SHROOM3: variants seen among roughly 807,000 people sequenced by gnomAD.
SHROOM3 encodes the protein shroom family member 3.
Under a neutral mutation model 138.6 loss-of-function variants are expected in SHROOM3, and 47 were observed. The ratio of observed to expected loss-of-function variants is 0.34; its 90% confidence interval spans 0.27 to 0.43. The LOEUF (loss-of-function observed/expected upper bound fraction) is 0.43. Among genes scored for constraint, SHROOM3 ranks in the 20% least tolerant of loss-of-function variants. SHROOM3 has a pLI of 1.00. For missense variants in SHROOM3, 2,491 were observed against 2,596.5 expected (o/e 0.96, Z 0.88); for synonymous variants, 1,062 against 1,063.3 (o/e 1.00, Z 0.02).
chr4:76,718,988 C>G (rs748441182), intron 3 of SHROOM3, among the ~76,000 whole-genome samples: 1 of 152,150 alleles, frequency 6.6e-6, no homozygotes, highest in African/African-American at 2.4e-5. Flanking sequence ...TAGCCTTCTC[C>G]GGGCACTCAG....
intron 3 of SHROOM3, among the ~76,000 whole-genome samples, chr4:76,728,281 G>A (rs187679451): frequency 1.7e-4 from 26 of 152,350 alleles, no homozygotes; most frequent in African/African-American, 6.3e-4. Context: ...TGTTGTGGGA[G>A]GGACCCGGTG....
At chr4:76,759,095 A>G (rs1721908723) in intron 8 of SHROOM3, among the ~76,000 whole-genome samples, 1 of 152,240 alleles carries the variant, frequency 6.6e-6, no homozygotes, top group Non-Finnish European at 1.5e-5. Flanking sequence ...CATAGTAGGC[A>G]CTAGAAAGAT....
intron 2 of SHROOM3, among the ~76,000 whole-genome samples, chr4:76,666,204 C>T (rs1168297906): frequency 6.6e-6 from 1 of 152,160 alleles, no homozygotes; most frequent in Non-Finnish European, 1.5e-5. Flanking sequence ...CAGTGATACC[C>T]CAGTGTCAAA....
intron 2 of SHROOM3, among the ~76,000 whole-genome samples, chr4:76,570,413 C>G (rs1179164081): frequency 6.6e-6 from 1 of 152,142 alleles, no homozygotes; most frequent in East Asian, 1.9e-4. Flanking sequence ...GGGGCTGTGG[C>G]TGGTGTGCAA....
chr4:76,639,699 T>C, intron 2 of SHROOM3: 2 of 398,052 alleles, frequency 5.0e-6, no homozygotes. Context: ...CTGGGTAAAG[T>C]TTTCTGGGGA....
At chr4:76,464,346 C>T (rs1731205891) in intron 1 of SHROOM3, among the ~76,000 whole-genome samples, 1 of 152,146 alleles carries the variant, frequency 6.6e-6, no homozygotes, top group Non-Finnish European at 1.5e-5. Context: ...CCAATTTCTC[C>T]AATTTGGAAA....
intron 2 of SHROOM3, among the ~76,000 whole-genome samples, chr4:76,665,455 C>G (rs1292283414): frequency 6.6e-6 from 1 of 152,190 alleles, no homozygotes; most frequent in Non-Finnish European, 1.5e-5. Flanking sequence ...TCAGAAGAAC[C>G]AGTCATCTGG....
At chr4:76,560,770 G>A (rs1490507034) in intron 2 of SHROOM3, among the ~76,000 whole-genome samples, 1 of 152,124 alleles carries the variant, frequency 6.6e-6, no homozygotes, top group Admixed American at 6.5e-5. Flanking sequence ...AAGTCAGAGA[G>A]GATACCTGAG....
chr4:76,754,898 C>A lies in SHROOM3; in HGVS notation c.4415C>A (p.Pro1472Gln). ...SLPSLCSTSD[P>Q]DTPLGAPSTP... ...CCAAGTTTATGCAGCACTTCTGACC[C>A]AGACACACCTCTTGGGGCCCCGAGC... The change falls in exon 7 of 11, where the codon CCA becomes CAA. Residue 1472 changes from proline (P) to glutamine (Q), a missense_variant. Physicochemically the swap from Pro to Gln is moderately conservative, Grantham distance 76. Around this residue, in one of 4 missense-constraint regions of SHROOM3, gnomAD observed 1,733 missense variants for 1,661.6 expected, o/e 1.04. Transcript: ENST00000296043. The A allele has an allele frequency of 6.2e-7, 1 of 1,614,198 alleles. No homozygotes were observed. The highest frequency in any genetic ancestry group is 1.3e-5 in the African/African-American group (1 of 75,044).
At chr4:76,540,090 C>T (rs987577641) in intron 1 of SHROOM3, among the ~76,000 whole-genome samples, 1 of 152,208 alleles carries the variant, frequency 6.6e-6, no homozygotes, top group South Asian at 2.1e-4. Flanking sequence ...TGAGGTGATC[C>T]ACCCACTTCA....
chr4:76,739,201 G>A lies in SHROOM3; in HGVS notation c.1028G>A (p.Gly343Asp), dbSNP rs1364492320. 2 of 1,614,050 alleles carry A rather than the reference G, an allele frequency of 1.2e-6. No homozygotes were observed. The highest frequency in any genetic ancestry group is 2.2e-5 in the East Asian group (1 of 44,892). Reference protein sequence around the residue: ...REARASANGQGYDKWSNIPRG... With the variant: ...REARASANGQDYDKWSNIPRG... ...GCCCGAGCCTCAGCAAATGGTCAGGGCTATGATAAATGGTCTAATATTCCT... is the reference window on the plus strand; with the variant it reads ...GCCCGAGCCTCAGCAAATGGTCAGGACTATGATAAATGGTCTAATATTCCT... The change falls in exon 5 of 11, where the codon GGC becomes GAC. Residue 343 changes from glycine (G) to aspartate (D), a missense_variant. Coordinates refer to ENST00000296043, the MANE Select transcript of SHROOM3 (RefSeq NM_020859.4).
At chr4:76,439,616 A>G (rs1241462789) in intron 1 of SHROOM3, among the ~76,000 whole-genome samples, 2 of 152,166 alleles carry the variant, frequency 1.3e-5, no homozygotes, top group Non-Finnish European at 2.9e-5. Flanking sequence ...TACACTGCTA[A>G]CCAGATGTCT....
At chr4:76,672,375 A>T (rs1165183607) in intron 2 of SHROOM3, among the ~76,000 whole-genome samples, 1 of 151,452 alleles carries the variant, frequency 6.6e-6, no homozygotes, top group Admixed American at 6.6e-5. Flanking sequence ...GTTTTAATTA[A>T]ATTCTTTTTA....
intron 2 of SHROOM3, chr4:76,688,802 C>A: frequency 1.0e-6 from 1 of 985,376 alleles, no homozygotes; most frequent in Non-Finnish European, 1.2e-6. Flanking sequence ...CCGAAAGAAT[C>A]ACGTCTCTTG....
At position 76,648,186 on chromosome 4, in the gene SHROOM3, G is replaced by A. The variant is rs921446148; in HGVS notation, c.324-61970G>A. Among the ~76,000 whole-genome samples, 239 of 151,914 alleles carry A rather than the reference G, an allele frequency of 1.6e-3. 1 individual carries two copies. Among genetic ancestry groups the A allele is most frequent in the Non-Finnish European group, 4.9e-4 (33 of 67,960 alleles). ...CTGCAAAAAATTAAAAAATTACCCA[G>A]GCATGGTGGTGCGTACCTGTGGTCC... On this transcript the variant is annotated intron_variant, in intron 2 of 10. Coordinates refer to ENST00000296043, the MANE Select transcript of SHROOM3 (RefSeq NM_020859.4).
rs187743947 is a variant in SHROOM3, at chr4:76,608,840, T to G, written c.323+53077T>G. The stretch of plus-strand genomic sequence containing the variant: ...TTACTTCATCTCTTTGAGAATCCAT[T>G]TCTCCCTCAGTAAAACAAGAATGAT... On this transcript the variant is annotated intron_variant, in intron 2 of 10. Coordinates refer to ENST00000296043, the MANE Select transcript of SHROOM3 (RefSeq NM_020859.4). 5.3e-5 allele frequency among the ~76,000 whole-genome samples: 8 copies of G among 152,298 alleles called. No individual in the cohort carries two copies. In the East Asian group the frequency reaches 1.3e-3, roughly 26 times the overall value.
At position 76,778,961 on chromosome 4, in the gene SHROOM3, G is replaced by A. The variant is rs187465619; in HGVS notation, c.5775G>A (p.Val1925=). ...AGCTCCAGGACTACCAGCACTTCGTGAAAATGAAGTCCACGCTCCTCATTG... is the reference window on the plus strand; with the variant it reads ...AGCTCCAGGACTACCAGCACTTCGTAAAAATGAAGTCCACGCTCCTCATTG... ...EEQLQDYQHF[V]KMKSTLLIEQ... Residue 1925 remains valine (V), a synonymous_variant, in exon 11 of 11, where the codon GTG becomes GTA. Coordinates refer to ENST00000296043, the MANE Select transcript of SHROOM3 (RefSeq NM_020859.4). The A allele has an allele frequency of 5.0e-6, 8 of 1,614,132 alleles. No individual in the cohort carries two copies. In the Admixed American group the frequency reaches 1.3e-4, roughly 27 times the overall value.
chr4:76,443,077 GTTGAA>G (rs1431716049), intron 1 of SHROOM3, among the ~76,000 whole-genome samples: 1 of 152,136 alleles, frequency 6.6e-6, no homozygotes, highest in Non-Finnish European at 1.5e-5. Context: ...GTAAATGTCT[GTTGAA>G]TTGAATTAGA....
In SHROOM3 at chr4:76,523,980, G is replaced by A. The variant is rs574630119; in HGVS notation, c.169-31629G>A. ...CAGAACTTTAAGCAAGGTGTAACCT[G>A]AGCAAAGTTTTGTGTGAGGGCTGGG... On this transcript the variant is annotated intron_variant, in intron 1 of 10. Coordinates refer to ENST00000296043, the MANE Select transcript of SHROOM3 (RefSeq NM_020859.4). Among the ~76,000 whole-genome samples the A allele has an allele frequency of 4.7e-4, 71 of 152,308 alleles. 2 individuals are homozygous for A. The South Asian group carries it at 0.015, about 32-fold the overall frequency.
Sources: allele counts gnomAD v4.1 joint callset (sites outside exome capture counted in the v4.1 genomes callset), GRCh38; gene constraint gnomAD v4.1.1; regional missense constraint gnomAD v4.1.1; transcripts MANE v1.5; gene names NCBI Gene and HGNC (gene_info 2026-07-23, HGNC 2026-07-21).